TMBIM4: variants seen among roughly 807,000 people sequenced by gnomAD.
TMBIM4 encodes protein lifeguard 4.
Under a neutral mutation model 27.7 loss-of-function variants are expected in TMBIM4, and 28 were observed. The observed-to-expected ratio is 1.01, with a 90% CI of 0.75 to 1.38. TMBIM4 has a LOEUF of 1.38. Among genes scored for constraint, TMBIM4 ranks in the 40% most tolerant of loss-of-function variants. The pLI is 0.00. For synonymous variants in TMBIM4, 115 were observed against 113.1 expected (o/e 1.02, Z -0.11); for missense variants, 265 against 277.5 (o/e 0.95, Z 0.32).
intron 1 of TMBIM4, among the ~76,000 whole-genome samples, chr12:66,157,573 A>G (rs1363873610): frequency 6.6e-6 from 1 of 152,132 alleles, no homozygotes; most frequent in Non-Finnish European, 1.5e-5. Context: ...CATACCAAAC[A>G]CCTAAAATAT....
intron 5 of TMBIM4, among the ~76,000 whole-genome samples, chr12:66,145,600 A>AT (rs35000393): frequency 0.091 from 13,623 of 148,956 alleles, 1,125 homozygotes; most frequent in East Asian, 0.51. Flanking sequence ...TGGAAAGCTT[A>AT]TTTTTTTTTT....
chr12:66,147,827 A>G, intron 4 of TMBIM4, 81 bp downstream of exon 4: 2 of 1,104,256 alleles, frequency 1.8e-6, no homozygotes, highest in Non-Finnish European at 2.6e-6. Flanking sequence ...GTTAAACTTT[A>G]GCCCCAAATA....
intron 4 of TMBIM4, 30 bp from the exon 5 acceptor site, chr12:66,145,988 A>G: frequency 8.3e-7 from 1 of 1,198,878 alleles, no homozygotes; most frequent in Non-Finnish European, 1.2e-6. Context: ...ATTAACATGC[A>G]TATAAACATG....
chr12:66,153,364 G>A lies in TMBIM4; in HGVS notation c.182C>T (p.Ser61Phe), dbSNP rs747623797. The change falls in exon 2 of 7, where the codon TCT becomes TTT. Residue 61 changes from serine (S) to phenylalanine (F), a missense_variant. Physicochemically the swap from Ser to Phe is radical, Grantham distance 155. Transcript: ENST00000358230. ...VTSTVFLYFE[S>F]VRTFVHESPA... ...CCTCTCATGTACAAATGTCCGTACA[G>A]ACTCAAAGTATAAAAAAACTGTTGA... 3 of 1,589,872 alleles carry A rather than the reference G, an allele frequency of 1.9e-6. No homozygotes were observed. The highest frequency in any genetic ancestry group is 1.7e-6 in the Non-Finnish European group (2 of 1,165,802).
At chr12:66,166,881 A>AG (rs1207522912) in intron 1 of TMBIM4, among the ~76,000 whole-genome samples, 1 of 152,240 alleles carries the variant, frequency 6.6e-6, no homozygotes, top group Non-Finnish European at 1.5e-5. Context: ...AAAACTTGGA[A>AG]GCAGGCAAGA....
In TMBIM4 at chr12:66,137,851, A is replaced by C. The variant is rs537040924; in HGVS notation, c.*109T>G. On this transcript the variant is annotated 3_prime_UTR_variant, in exon 7 of 7. Coordinates refer to ENST00000358230, the MANE Select transcript of TMBIM4 (RefSeq NM_016056.4). ...TAACAGTATTTAATCATTGTTTCAA[A>C]CTTTATTACTTAATGAAACAGTTTC... The C allele has an allele frequency of 1.2e-6, 1 of 805,826 alleles. No individual in the cohort carries two copies. Among genetic ancestry groups the C allele is most frequent in the Non-Finnish European group, 1.9e-6 (1 of 514,140 alleles). The allele number at this position is 805,826 out of a possible 1,614,324, so 49.9% of individuals were successfully genotyped here.
intron 4 of TMBIM4, 105 bp downstream of exon 4, chr12:66,147,803 T>C: frequency 1.2e-6 from 1 of 807,968 alleles, no homozygotes; most frequent in Non-Finnish European, 1.9e-6. Flanking sequence ...TTCTGAAATA[T>C]GATATTCCAT....
intron 4 of TMBIM4, 98 bp from the exon 5 acceptor site, chr12:66,146,056 C>A (rs879079982): frequency 1.7e-6 from 1 of 593,002 alleles, no homozygotes; most frequent in Non-Finnish European, 3.0e-6. Context: ...TTCTCCTGTA[C>A]TTTATGCCAA....
intron 5 of TMBIM4, among the ~76,000 whole-genome samples, chr12:66,142,571 G>A (rs2051685624): frequency 6.6e-6 from 1 of 151,806 alleles, no homozygotes; most frequent in African/African-American, 2.4e-5. Flanking sequence ...ACACACAGTG[G>A]GTTGTGTTAC....
chr12:66,158,825 A>T (rs2051990023), intron 1 of TMBIM4, among the ~76,000 whole-genome samples: 1 of 152,128 alleles, frequency 6.6e-6, no homozygotes, highest in Non-Finnish European at 1.5e-5. Flanking sequence ...TATTGGCAAA[A>T]ATACCACCTC....
chr12:66,168,088 A>C (rs1192335675), intron 1 of TMBIM4, among the ~76,000 whole-genome samples: 1 of 151,808 alleles, frequency 6.6e-6, no homozygotes, highest in Non-Finnish European at 1.5e-5. Context: ...AGGCCTGGTG[A>C]CCTGCATTTG....
intron 5 of TMBIM4, among the ~76,000 whole-genome samples, chr12:66,144,562 C>G (rs2051720557): frequency 6.6e-6 from 1 of 152,096 alleles, no homozygotes; most frequent in East Asian, 1.9e-4. Flanking sequence ...CTGAAGAACA[C>G]TTGTGTGGTT....
rs760950603 is a variant in TMBIM4, at chr12:66,138,102, C to T, written c.575G>A (p.Gly192Glu). 1.9e-6 allele frequency: 3 copies of T among 1,613,988 alleles called. No individual in the cohort carries two copies. The East Asian group carries it at 6.7e-5, about 36-fold the overall frequency. The part of the protein sequence containing the change: ...LAAAGALLFC[G>E]FIIYDTHSLM... ...TGAGTGTGTGTCATAGATGATGAAT[C>T]CACAGAAAAGAAGGGCTCCTGCAGC... Residue 192 changes from glycine (G) to glutamate (E), a missense_variant, in exon 7 of 7, where the codon GGA becomes GAA. Gly to Glu is a moderately conservative substitution (Grantham distance 98). Coordinates refer to ENST00000358230, the MANE Select transcript of TMBIM4 (RefSeq NM_016056.4).
chr12:66,157,802 C>T (rs1455154290), intron 1 of TMBIM4, among the ~76,000 whole-genome samples: 2 of 152,148 alleles, frequency 1.3e-5, no homozygotes, highest in African/African-American at 4.8e-5. Flanking sequence ...GCTATGGTAA[C>T]ATCAAAAGTA....
At chr12:66,166,966 G>A (rs985039986) in intron 1 of TMBIM4, among the ~76,000 whole-genome samples, 2 of 152,200 alleles carry the variant, frequency 1.3e-5, no homozygotes, top group Admixed American at 6.5e-5. Context: ...AAAGAAAAAT[G>A]AGCTATCAAG....
intron 3 of TMBIM4, among the ~76,000 whole-genome samples, chr12:66,150,713 A>C (rs2051832065): frequency 6.6e-6 from 1 of 152,184 alleles, no homozygotes. Flanking sequence ...CCACGCCTGG[A>C]CCAGATTCTT....
chr12:66,163,692 G>A lies in TMBIM4; in HGVS notation c.97+6163C>T, dbSNP rs557246525. 6.6e-5 allele frequency among the ~76,000 whole-genome samples: 10 copies of A among 152,244 alleles called. No individual in the cohort carries two copies. In the South Asian group the frequency reaches 1.0e-3, roughly 16 times the overall value. On this transcript the variant is annotated intron_variant, in intron 1 of 6. Coordinates refer to ENST00000358230, the MANE Select transcript of TMBIM4 (RefSeq NM_016056.4). ...ACAACTCAAGGTGAGATTTGGATAC[G>A]GACACAGAGCCAAATCCTATCAGAC...
At chr12:66,169,290 T>C in intron 1 of TMBIM4, 1 of 698,888 alleles carries the variant, frequency 1.4e-6, no homozygotes, top group East Asian at 2.7e-5. Flanking sequence ...TTAGACTGAC[T>C]TAGGAAGCTT....
chr12:66,166,214 C>T (rs531358208), intron 1 of TMBIM4, among the ~76,000 whole-genome samples: 3 of 152,226 alleles, frequency 2.0e-5, no homozygotes, highest in East Asian at 3.9e-4. Context: ...CCTGTAATCC[C>T]GGCACTTTCG....
Sources: gnomAD v4.1 joint callset for allele counts (sites outside exome capture counted in the v4.1 genomes callset) on GRCh38, gnomAD v4.1.1 for gene constraint, MANE v1.5 for transcripts, NCBI Gene and HGNC (gene_info 2026-07-23, HGNC 2026-07-21) for gene names.